The following CDYL variants were observed in gnomAD, a reference collection of about 807,000 sequenced individuals.
The protein encoded by CDYL is chromodomain Y like.
Under a neutral mutation model 47.3 loss-of-function variants are expected in CDYL, and 8 were observed. That is an observed-to-expected ratio of 0.17 (90% CI 0.10 to 0.31). The LOEUF is 0.31. Among genes scored for constraint, CDYL ranks in the 10% least tolerant of loss-of-function variants. CDYL has a pLI of 1.00. For synonymous variants in CDYL, 266 were observed against 265.0 expected (o/e 1.00, Z -0.04); for missense variants, 471 against 701.4 (o/e 0.67, Z 3.71).
intron 1 of CDYL, among the ~76,000 whole-genome samples, chr6:4,889,657 A>G (rs1325617835): frequency 1.3e-5 from 2 of 152,172 alleles, no homozygotes; most frequent in African/African-American, 2.4e-5. Context: ...CATTTCATTC[A>G]TTACATATTG....
At chr6:4,879,603 G>T (rs2127477406) in intron 1 of CDYL, among the ~76,000 whole-genome samples, 1 of 139,716 alleles carries the variant, frequency 7.2e-6, no homozygotes, top group South Asian at 2.3e-4. Context: ...TTGTTGCCCA[G>T]GCTGGAGTGC....
intron 1 of CDYL, among the ~76,000 whole-genome samples, chr6:4,792,563 G>A (rs1758955617): frequency 6.6e-6 from 1 of 151,658 alleles, no homozygotes; most frequent in South Asian, 2.1e-4. Context: ...CCTGAGTAAA[G>A]TAGCTGGGAC....
chr6:4,921,022 G>GA (rs1389999395), intron 2 of CDYL, among the ~76,000 whole-genome samples: 2 of 133,658 alleles, frequency 1.5e-5, no homozygotes, highest in Non-Finnish European at 3.4e-5. Flanking sequence ...TGTATGTGTG[G>GA]CTTCTTAGTA....
At chr6:4,736,699 CT>C (rs1178737062) in intron 3 of CDYL, among the ~76,000 whole-genome samples, 13 of 150,604 alleles carry the variant, frequency 8.6e-5, no homozygotes, top group Middle Eastern at 3.4e-3. Context: ...AGCAACTTAG[CT>C]TTTTTTTTCC....
chr6:4,880,037 G>C (rs1761722666), intron 1 of CDYL, among the ~76,000 whole-genome samples: 1 of 151,898 alleles, frequency 6.6e-6, no homozygotes, highest in African/African-American at 2.4e-5. Context: ...CATCTACATT[G>C]ACACGTCATC....
rs929278421 is a variant in CDYL at position 4,944,355 on chromosome 6, A to T, written c.1332+599A>T. On this transcript the variant is annotated intron_variant, in intron 5 of 6. Transcript: ENST00000397588. Reference sequence around the variant, plus strand: ...CAGGTAGTCAGTACCTGTGGAAGGGATGGGAAGGAAGCAGGACCGCACAGA... The same window carrying T: ...CAGGTAGTCAGTACCTGTGGAAGGGTTGGGAAGGAAGCAGGACCGCACAGA... Among the ~76,000 whole-genome samples, 18 of 152,278 alleles carry T rather than the reference A, an allele frequency of 1.2e-4. 1 individual carries two copies. The South Asian group carries it at 2.5e-3, about 21-fold the overall frequency.
intron 3 of CDYL, among the ~76,000 whole-genome samples, chr6:4,770,644 A>C (rs546665966): frequency 6.6e-6 from 1 of 152,316 alleles, no homozygotes; most frequent in East Asian, 1.9e-4. Flanking sequence ...GTGGAAAGAT[A>C]AGGCCTAAAA....
chr6:4,717,610 C>T (rs1757289293), intron 2 of CDYL, among the ~76,000 whole-genome samples: 1 of 139,754 alleles, frequency 7.2e-6, no homozygotes, highest in South Asian at 2.3e-4. Flanking sequence ...AAGTGGGAGG[C>T]AGAAGCATCA....
At chr6:4,713,249 T>C (rs892142183) in intron 1 of CDYL, among the ~76,000 whole-genome samples, 1 of 152,196 alleles carries the variant, frequency 6.6e-6, no homozygotes, top group African/African-American at 2.4e-5. Flanking sequence ...CTGGATCTCG[T>C]GCTTCTCTGC....
At chr6:4,829,072 C>G (rs1163636028) in intron 1 of CDYL, among the ~76,000 whole-genome samples, 1 of 152,210 alleles carries the variant, frequency 6.6e-6, no homozygotes, top group Non-Finnish European at 1.5e-5. Context: ...GGGTTTCCTT[C>G]TGGCTGGTTT....
rs945805535 is a variant in CDYL at position 4,914,533 on chromosome 6, G to A, written c.692-20982G>A. 2.0e-5 allele frequency among the ~76,000 whole-genome samples: 3 copies of A among 152,248 alleles called. No individual in the cohort carries two copies. In the East Asian group the frequency reaches 5.8e-4, roughly 29 times the overall value. On this transcript the variant is annotated intron_variant, in intron 2 of 6. Transcript: ENST00000397588. Reference sequence around the variant, plus strand: ...ACATGGCCCCAGCTTTCCTTGCAGCGGCTCATCTTTCCTCAGATTGCAGGC... The same window carrying A: ...ACATGGCCCCAGCTTTCCTTGCAGCAGCTCATCTTTCCTCAGATTGCAGGC...
chr6:4,833,368 T>G (rs1561659749), intron 1 of CDYL, among the ~76,000 whole-genome samples: 1 of 151,734 alleles, frequency 6.6e-6, no homozygotes, highest in Non-Finnish European at 1.5e-5. Flanking sequence ...TCAGTTTCCA[T>G]GTAGTTGAGT....
intron 1 of CDYL, among the ~76,000 whole-genome samples, chr6:4,880,735 G>A (rs1761741556): frequency 6.6e-6 from 1 of 152,218 alleles, no homozygotes; most frequent in African/African-American, 2.4e-5. Flanking sequence ...CAATAGATGT[G>A]TAGTGGTATC....
Position 4,867,642 on chromosome 6 carries a change from A to G in CDYL, c.25-24071A>G, listed in dbSNP as rs186306906. Reference sequence around the variant, plus strand: ...ACATTAATTGATTCTCTGATGTGAAACCAACTCTGAATTCTTGGGATAAAC... The same window carrying G: ...ACATTAATTGATTCTCTGATGTGAAGCCAACTCTGAATTCTTGGGATAAAC... On this transcript the variant is annotated intron_variant, in intron 1 of 6. Coordinates refer to ENST00000397588, the MANE Select transcript of CDYL (RefSeq NM_004824.4). 1.3e-3 allele frequency among the ~76,000 whole-genome samples: 191 copies of G among 152,164 alleles called. 2 individuals are homozygous for G. The highest frequency in any genetic ancestry group is 0.012 in the Admixed American group (178 of 15,304).
rs148699907 is a variant in CDYL, at chr6:4,939,157, G to A, written c.1121+1420G>A. Among the ~76,000 whole-genome samples, 199 of 152,334 alleles carry A rather than the reference G, an allele frequency of 1.3e-3. 1 individual carries two copies. The highest frequency in any genetic ancestry group is 4.6e-3 in the African/African-American group (191 of 41,558). On this transcript the variant is annotated intron_variant, in intron 4 of 6. Coordinates refer to ENST00000397588, the MANE Select transcript of CDYL (RefSeq NM_004824.4). The stretch of plus-strand genomic sequence containing the variant: ...ATCTTTTCCAAAATCCCAGATTTCT[G>A]GAGGGCTGAAGTTGAACTACTTTTG...
intron 1 of CDYL, among the ~76,000 whole-genome samples, chr6:4,857,689 T>C (rs1427169913): frequency 6.6e-6 from 1 of 152,210 alleles, no homozygotes; most frequent in Non-Finnish European, 1.5e-5. Flanking sequence ...TGTTCATGGA[T>C]CTCTTCTGTC....
intron 1 of CDYL, among the ~76,000 whole-genome samples, chr6:4,869,862 AT>A (rs1248542995): frequency 1.3e-5 from 2 of 152,188 alleles, no homozygotes; most frequent in African/African-American, 4.8e-5. Flanking sequence ...CAATATTCAA[AT>A]AGTCTTCTGT....
At position 4,794,518 on chromosome 6, in the gene CDYL, G is replaced by C. The variant is rs546343894; in HGVS notation, c.24+17711G>C. Reference sequence around the variant, plus strand: ...AACTGGGAGTGCCGGGCAGGCTCCGGGGTTTGTTTGCTTAAAGACAGAGGA... The same window carrying C: ...AACTGGGAGTGCCGGGCAGGCTCCGCGGTTTGTTTGCTTAAAGACAGAGGA... On this transcript the variant is annotated intron_variant, in intron 1 of 6. Transcript: ENST00000397588. Among the ~76,000 whole-genome samples, 3 of 152,228 alleles carry C rather than the reference G, an allele frequency of 2.0e-5. No individual in the cohort carries two copies. The South Asian group carries it at 6.2e-4, about 32-fold the overall frequency.
At chr6:4,853,421 A>G (rs1316475248) in intron 1 of CDYL, among the ~76,000 whole-genome samples, 3 of 152,170 alleles carry the variant, frequency 2.0e-5, no homozygotes, top group Admixed American at 6.5e-5. Context: ...AGGACTTCCA[A>G]CTGCGGAACC....
Sources: gnomAD v4.1 joint callset for allele counts (sites outside exome capture counted in the v4.1 genomes callset) on GRCh38, gnomAD v4.1.1 for gene constraint, MANE v1.5 for transcripts, NCBI Gene and HGNC (gene_info 2026-07-23, HGNC 2026-07-21) for gene names.